Variants in THADA observed in about 807,000 individuals in gnomAD.
The protein encoded by THADA is tRNA (32-2'-O)-methyltransferase regulator THADA.
Under a neutral mutation model 219.8 loss-of-function variants are expected in THADA, and 213 were observed. That is an observed-to-expected ratio of 0.97 (90% CI 0.87 to 1.09). The LOEUF is 1.09. THADA is among the 50% of genes least tolerant of loss of function. THADA has a pLI of 0.00. For synonymous variants in THADA, 1,018 were observed against 828.9 expected, an observed-to-expected ratio of 1.23 and a Z score of -3.92; for missense variants, 2,956 against 2,311.3, an observed-to-expected ratio of 1.28 and a Z score of -5.72.
At chr2:43,446,234 G>T (rs975721477) in intron 26 of THADA, among the ~76,000 whole-genome samples, 1 of 152,202 alleles carries the variant, frequency 6.6e-6, no homozygotes, top group Admixed American at 6.5e-5. Context: ...GTTTCTGATA[G>T]ACTTTTTCCA....
Position 43,519,050 on chromosome 2 carries a change from A to G in THADA, c.3374+8829T>C, listed in dbSNP as rs974973902. On this transcript the variant is annotated intron_variant, in intron 22 of 37. Transcript: ENST00000405975. The stretch of plus-strand genomic sequence containing the variant: ...CTCCTGCTTGCCTTGCTTTTTGCCA[A>G]TGTTATTGGCATTAATTATTCTTCT... Among the ~76,000 whole-genome samples, 10 of 151,788 alleles carry G rather than the reference A, an allele frequency of 6.6e-5. No homozygotes were observed. The South Asian group carries it at 8.3e-4, about 13-fold the overall frequency.
intron 16 of THADA, among the ~76,000 whole-genome samples, chr2:43,556,819 C>G (rs1697412258): frequency 6.6e-6 from 1 of 152,068 alleles, no homozygotes; most frequent in Non-Finnish European, 1.5e-5. Flanking sequence ...AACCCCATCA[C>G]TTTGGAAGGC....
chr2:43,423,430 TCTTTC>T (rs1677992342), intron 28 of THADA, among the ~76,000 whole-genome samples: 3 of 146,742 alleles, frequency 2.0e-5, no homozygotes, highest in Admixed American at 2.0e-4. Context: ...TTACTTTCTT[TCTTTC>T]TTTTTTTTTT....
In THADA at chr2:43,343,903, T is replaced by C; in HGVS notation, c.4343+219A>G. The C allele has an allele frequency of 7.0e-6, 3 of 431,242 alleles. No individual in the cohort carries two copies. In the South Asian group the frequency reaches 8.6e-5, roughly 12 times the overall value. 26.7% of individuals were successfully genotyped at this position (431,242 alleles called of 1,614,324 possible). ...TGATTGGTGGGCAGACAAAAAGCCA[T>C]ATTACATGCCCCTCAGTCACTTAGC... On this transcript the variant is annotated intron_variant, in intron 30 of 37. Coordinates refer to ENST00000405975, the MANE Select transcript of THADA (RefSeq NM_022065.5).
At chr2:43,552,726 T>C (rs1346032959) in intron 17 of THADA, among the ~76,000 whole-genome samples, 2 of 152,088 alleles carry the variant, frequency 1.3e-5, no homozygotes, top group Non-Finnish European at 2.9e-5. Flanking sequence ...ATTTGAAGTA[T>C]ACAATAGTTT....
chr2:43,592,102 C>A, intron 2 of THADA, 56 bp from the exon 3 acceptor site: 1 of 1,392,156 alleles, frequency 7.2e-7, no homozygotes, highest in Non-Finnish European at 9.7e-7. Flanking sequence ...GTTAACTTTG[C>A]CTTTGTTGTG....
intron 20 of THADA, among the ~76,000 whole-genome samples, chr2:43,546,275 G>C (rs1696021227): frequency 6.6e-6 from 1 of 152,058 alleles, no homozygotes; most frequent in African/African-American, 2.4e-5. Context: ...TTGCTGAGGA[G>C]AGCTTTACTT....
At chr2:43,338,209 TGCAGTGGCACGATCTCG>T (rs1666695038) in intron 30 of THADA, among the ~76,000 whole-genome samples, 1 of 147,220 alleles carries the variant, frequency 6.8e-6, no homozygotes, top group Non-Finnish European at 1.5e-5. Flanking sequence ...CAGGCTGGAG[TGCAGTGGCACGATCTCG>T]GCTCACTGCA....
At chr2:43,531,690 T>G (rs535563219) in intron 21 of THADA, among the ~76,000 whole-genome samples, 8 of 152,334 alleles carry the variant, frequency 5.3e-5, no homozygotes, top group African/African-American at 1.9e-4. Context: ...CTCTGAATTT[T>G]CACTTTAAAA....
chr2:43,444,562 A>C (rs1446954185), intron 26 of THADA, among the ~76,000 whole-genome samples: 1 of 152,200 alleles, frequency 6.6e-6, no homozygotes, highest in Non-Finnish European at 1.5e-5. Flanking sequence ...AACAGCCTAG[A>C]AAAAATTTAA....
intron 32 of THADA, among the ~76,000 whole-genome samples, 158 bp downstream of exon 32, chr2:43,292,676 C>T (rs915791790): frequency 3.9e-5 from 6 of 152,198 alleles, no homozygotes; most frequent in African/African-American, 1.2e-4. Context: ...ATGCCAACCA[C>T]CATAAAAAGA....
chr2:43,476,673 T>G (rs1368564252), intron 26 of THADA, among the ~76,000 whole-genome samples: 1 of 152,164 alleles, frequency 6.6e-6, no homozygotes, highest in Non-Finnish European at 1.5e-5. Flanking sequence ...AGACTGTATT[T>G]CAAAGCTGGT....
intron 22 of THADA, among the ~76,000 whole-genome samples, chr2:43,519,675 CTCAG>C (rs1322897966): frequency 6.6e-6 from 1 of 152,172 alleles, no homozygotes; most frequent in Non-Finnish European, 1.5e-5. Context: ...TCAAAGAGAG[CTCAG>C]TCAAACACAG....
chr2:43,451,911 C>T lies in THADA; in HGVS notation c.3837-21609G>A, dbSNP rs565682534. ...CACCTGAGGTCAGGGGTTCAAGACC[C>T]GCCTGGCCAACGTGGTGAAACCCTG... On this transcript the variant is annotated intron_variant, in intron 26 of 37. Coordinates refer to ENST00000405975, the MANE Select transcript of THADA (RefSeq NM_022065.5). Among the ~76,000 whole-genome samples the T allele has an allele frequency of 7.2e-5, 11 of 152,090 alleles. 1 individual carries two copies. Among genetic ancestry groups the T allele is most frequent in the South Asian group, 6.2e-4 (3 of 4,818 alleles).
At chr2:43,294,222 C>A (rs1323320009) in intron 31 of THADA, among the ~76,000 whole-genome samples, 2 of 152,046 alleles carry the variant, frequency 1.3e-5, no homozygotes, top group East Asian at 3.8e-4. Context: ...AATAAAAAAA[C>A]CAAAAACTTA....
intron 36 of THADA, among the ~76,000 whole-genome samples, chr2:43,235,975 T>C (rs1313970678): frequency 6.6e-6 from 1 of 151,714 alleles, no homozygotes; most frequent in Non-Finnish European, 1.5e-5. Context: ...CCCGGCTAAA[T>C]TTTTTTTGAA....
chr2:43,273,017 G>A (rs1477823777), intron 36 of THADA, among the ~76,000 whole-genome samples: 2 of 152,092 alleles, frequency 1.3e-5, no homozygotes, highest in African/African-American at 4.8e-5. Context: ...GGGAGGCCAA[G>A]GCGGGCAGAT....
intron 36 of THADA, among the ~76,000 whole-genome samples, chr2:43,247,671 G>C (rs1669292576): frequency 7.3e-6 from 1 of 137,898 alleles, no homozygotes; most frequent in Non-Finnish European, 1.5e-5. Flanking sequence ...GGAGGTTGCA[G>C]TGAGCTGAGA....
chr2:43,532,242 G>A (rs111783562), intron 21 of THADA, among the ~76,000 whole-genome samples: 15,321 of 151,334 alleles, frequency 0.1, 832 homozygotes, highest in South Asian at 0.14. Flanking sequence ...TAAAACCCCC[G>A]TCTCTACTAA....
Sources: gnomAD v4.1 joint callset for allele counts (sites outside exome capture counted in the v4.1 genomes callset) on GRCh38, gnomAD v4.1.1 for gene constraint, MANE v1.5 for transcripts, NCBI Gene and HGNC (gene_info 2026-07-23, HGNC 2026-07-21) for gene names.